FBXW8: variants seen among roughly 807,000 people sequenced by gnomAD.
The protein encoded by FBXW8 is F-box and WD repeat domain containing 8.
Under a neutral mutation model 65.3 loss-of-function variants are expected in FBXW8, and 57 were observed. The observed-to-expected ratio is 0.87, with a 90% CI of 0.71 to 1.09. FBXW8 has a LOEUF of 1.09. Among genes scored for constraint, FBXW8 ranks in the 50% least tolerant of loss-of-function variants. The probability of loss-of-function intolerance (pLI) is 0.00; values close to 1 mark genes in which losing one functional copy is unlikely to be tolerated. For synonymous variants in FBXW8, 308 were observed against 330.2 expected (o/e 0.93, Z 0.73); for missense variants, 777 against 814.8 (o/e 0.95, Z 0.57).
intron 9 of FBXW8, among the ~76,000 whole-genome samples, chr12:117,026,486 C>T (rs1216755223): frequency 1.3e-5 from 2 of 152,122 alleles, no homozygotes; most frequent in Non-Finnish European, 2.9e-5. Context: ...GTGGGTGTCC[C>T]AACCCCAGGG....
At chr12:116,924,337 C>T (rs1264662596) in intron 1 of FBXW8, among the ~76,000 whole-genome samples, 1 of 152,064 alleles carries the variant, frequency 6.6e-6, no homozygotes, top group Non-Finnish European at 1.5e-5. Context: ...ATTTATGGGG[C>T]ACGGTGTCAT....
rs111836420 is a variant in FBXW8, at chr12:116,993,955, A to G, written c.1239+5086A>G. 6.6e-5 allele frequency among the ~76,000 whole-genome samples: 10 copies of G among 152,230 alleles called. No individual in the cohort carries two copies. The East Asian group carries it at 7.7e-4, about 12-fold the overall frequency. On this transcript the variant is annotated intron_variant, in intron 7 of 10. Transcript: ENST00000652555. ...TTATTTTTCTACATGTGGTTATCCA[A>G]TTTTCCCAGCACCATTTATTGAATT...
At chr12:116,947,929 C>A (rs1216129571) in intron 3 of FBXW8, among the ~76,000 whole-genome samples, 1 of 152,264 alleles carries the variant, frequency 6.6e-6, no homozygotes, top group East Asian at 1.9e-4. Flanking sequence ...ACGCTCAGTG[C>A]TCAGGCGAGG....
Position 116,918,231 on chromosome 12 carries a change from C to A in FBXW8, c.318+6876C>A, listed in dbSNP as rs11068231. On this transcript the variant is annotated intron_variant, in intron 1 of 10. Coordinates refer to ENST00000652555, the MANE Select transcript of FBXW8 (RefSeq NM_153348.3). ...TCTTCTCTTCTCCTCTGTTCATAAACCCAGGCTTCTTGGAGATAGTGGATA... is the reference window on the plus strand; with the variant it reads ...TCTTCTCTTCTCCTCTGTTCATAAAACCAGGCTTCTTGGAGATAGTGGATA... Among the ~76,000 whole-genome samples, 1,444 of 152,222 alleles carry A rather than the reference C, an allele frequency of 9.5e-3. 19 individuals are homozygous for A. Among genetic ancestry groups the A allele is most frequent in the African/African-American group, 0.032 (1,330 of 41,506 alleles).
intron 8 of FBXW8, among the ~76,000 whole-genome samples, chr12:117,023,816 C>T (rs1404427521): frequency 6.6e-6 from 1 of 152,352 alleles, no homozygotes; most frequent in African/African-American, 2.4e-5. Flanking sequence ...CTGTGCTGGG[C>T]AGTACACCTA....
chr12:117,004,542 C>A (rs555579287), intron 7 of FBXW8, among the ~76,000 whole-genome samples: 26 of 152,282 alleles, frequency 1.7e-4, no homozygotes, highest in Non-Finnish European at 3.2e-4. Context: ...GGCTTGGATT[C>A]TTTTAGCCTT....
Position 116,965,862 on chromosome 12 carries a change from G to T in FBXW8, c.835+1008G>T, listed in dbSNP as rs1884287686. 1.3e-5 allele frequency among the ~76,000 whole-genome samples: 2 copies of T among 151,660 alleles called. 1 individual carries two copies. Among genetic ancestry groups the T allele is most frequent in the South Asian group, 4.2e-4 (2 of 4,800 alleles). ...CATCCTCAACCTCCCGGGATCCAGTGATCCTCCCACCTCAGTCTCCTGAGT... is the reference window on the plus strand; with the variant it reads ...CATCCTCAACCTCCCGGGATCCAGTTATCCTCCCACCTCAGTCTCCTGAGT... On this transcript the variant is annotated intron_variant, in intron 5 of 10. Transcript: ENST00000652555.
chr12:116,964,983 A>C, intron 5 of FBXW8, 129 bp downstream of exon 5: 1 of 889,058 alleles, frequency 1.1e-6, no homozygotes, highest in Non-Finnish European at 1.6e-6. Flanking sequence ...GTTCACACAC[A>C]TACACTCACT....
chr12:117,024,749 G>T (rs1954186011), intron 9 of FBXW8, among the ~76,000 whole-genome samples: 1 of 152,058 alleles, frequency 6.6e-6, no homozygotes, highest in South Asian at 2.1e-4. Context: ...AGGCAGGGCT[G>T]GCCCAGCTGC....
intron 7 of FBXW8, among the ~76,000 whole-genome samples, chr12:117,009,296 G>A (rs545507018): frequency 6.6e-6 from 1 of 152,094 alleles, no homozygotes; most frequent in African/African-American, 2.4e-5. Context: ...GGGAGGCTGA[G>A]TGGGAGAATT....
At chr12:116,980,183 G>A (rs1163149854) in intron 5 of FBXW8, 1 of 152,240 alleles carries the variant, frequency 6.6e-6, no homozygotes, top group African/African-American at 2.4e-5. Context: ...CCGAAAAGAA[G>A]AATGAAATAG....
chr12:116,964,685 G>A lies in FBXW8; in HGVS notation c.678-12G>A, dbSNP rs765859157. 9.9e-6 allele frequency: 16 copies of A among 1,613,346 alleles called. No individual in the cohort carries two copies. Among genetic ancestry groups the A allele is most frequent in the Middle Eastern group, 1.8e-4 (1 of 5,686 alleles). On this transcript the variant is annotated splice_polypyrimidine_tract_variant and intron_variant, in intron 4 of 10. Transcript: ENST00000652555. ...ATCTCCTTTTGGAACCAAGTGTGTC[G>A]TTCTCTTCCAGATATACATCAGGGG... is the stretch of plus-strand genomic sequence containing the variant.
chr12:116,914,572 C>CA (rs142680270), intron 1 of FBXW8, among the ~76,000 whole-genome samples: 65,748 of 83,794 alleles, frequency 0.78, 26,883 homozygotes, highest in Non-Finnish European at 0.9. Context: ...AACCCTGTCT[C>CA]AAAAAAAAAA....
At chr12:117,022,009 G>A (rs1954111601) in intron 8 of FBXW8, among the ~76,000 whole-genome samples, 1 of 152,184 alleles carries the variant, frequency 6.6e-6, no homozygotes. Flanking sequence ...TGCTCTCAGG[G>A]TTAGGCTTTG....
intron 8 of FBXW8, among the ~76,000 whole-genome samples, chr12:117,011,838 C>G (rs540115422): frequency 6.6e-6 from 1 of 152,132 alleles, no homozygotes; most frequent in South Asian, 2.1e-4. Context: ...GAAGAAACCT[C>G]TGTTTTCTGC....
At chr12:116,932,951 C>G (rs1881887065) in intron 2 of FBXW8, among the ~76,000 whole-genome samples, 1 of 152,026 alleles carries the variant, frequency 6.6e-6, no homozygotes. Flanking sequence ...GGGGCATTGG[C>G]AGATATTTTT....
At chr12:116,966,928 A>C (rs550753808) in intron 5 of FBXW8, among the ~76,000 whole-genome samples, 6 of 152,286 alleles carry the variant, frequency 3.9e-5, no homozygotes, top group Middle Eastern at 3.4e-3. Context: ...CATGTTGGCC[A>C]GGCTAAGAAT....
chr12:117,004,781 CA>C (rs1953636715), intron 7 of FBXW8, among the ~76,000 whole-genome samples: 2 of 53,190 alleles, frequency 3.8e-5, no homozygotes, highest in African/African-American at 1.4e-3. Flanking sequence ...CCTGTTTCCC[CA>C]GCTCTCCTGT....
chr12:116,915,945 C>T (rs539824964), intron 1 of FBXW8, among the ~76,000 whole-genome samples: 2 of 151,652 alleles, frequency 1.3e-5, no homozygotes, highest in East Asian at 3.9e-4. Flanking sequence ...GCCTGCATGC[C>T]TGGCCTCACC....
Sources: gnomAD v4.1 joint callset for allele counts (sites outside exome capture counted in the v4.1 genomes callset) on GRCh38, gnomAD v4.1.1 for gene constraint, MANE v1.5 for transcripts, NCBI Gene and HGNC (gene_info 2026-07-23, HGNC 2026-07-21) for gene names.